The following DSCAM variants were observed in gnomAD, a reference collection of about 807,000 sequenced individuals.
DSCAM encodes DS cell adhesion molecule, also known as cell adhesion molecule DSCAM.
DSCAM carries 47 observed loss-of-function variants against 217.7 expected under a neutral mutation model. The observed-to-expected ratio is 0.22, with a 90% CI of 0.17 to 0.28. The LOEUF (loss-of-function observed/expected upper bound fraction) is 0.28. Ranked by LOEUF, DSCAM falls within the 10% of genes least tolerant of loss-of-function variation. The pLI, the probability that DSCAM is intolerant of heterozygous loss-of-function variation, is 1.00. For missense variants in DSCAM, 2,080 were observed against 2,618.3 expected (o/e 0.79, Z 4.49); for synonymous variants, 1,056 against 1,015.3 (o/e 1.04, Z -0.76).
intron 11 of DSCAM, among the ~76,000 whole-genome samples, chr21:40,245,998 C>A (rs2073219046): frequency 6.6e-6 from 1 of 152,068 alleles, no homozygotes; most frequent in Non-Finnish European, 1.5e-5. Flanking sequence ...GATTTTTGTT[C>A]TCTGTATCTG....
intron 11 of DSCAM, among the ~76,000 whole-genome samples, chr21:40,238,472 G>C (rs928747692): frequency 3.9e-5 from 6 of 152,178 alleles, no homozygotes; most frequent in Non-Finnish European, 5.9e-5. Context: ...GCCTAACAGC[G>C]AGTAGGAGAG....
chr21:40,203,447 T>C (rs766733509), intron 11 of DSCAM, among the ~76,000 whole-genome samples: 1 of 152,226 alleles, frequency 6.6e-6, no homozygotes, highest in African/African-American at 2.4e-5. Context: ...GCTTTACATC[T>C]GTTCTTTGTG....
At chr21:40,217,175 T>C (rs12483072) in intron 11 of DSCAM, among the ~76,000 whole-genome samples, 1,816 of 152,338 alleles carry the variant, frequency 0.012, 16 homozygotes, top group Middle Eastern at 0.027. Flanking sequence ...CTTATTATTG[T>C]ATTACATTTC....
chr21:40,396,872 C>T (rs2123765796), intron 3 of DSCAM, among the ~76,000 whole-genome samples: 1 of 152,132 alleles, frequency 6.6e-6, no homozygotes, highest in East Asian at 1.9e-4. Flanking sequence ...TTATCTAAGT[C>T]CTTTTCTTAG....
intron 1 of DSCAM, among the ~76,000 whole-genome samples, chr21:40,726,060 C>G (rs1460064865): frequency 2.6e-5 from 4 of 152,028 alleles, no homozygotes; most frequent in African/African-American, 7.2e-5. Flanking sequence ...AACAGAACAA[C>G]AAACATACAG....
At chr21:40,404,142 C>T (rs1378137518) in intron 3 of DSCAM, among the ~76,000 whole-genome samples, 2 of 152,156 alleles carry the variant, frequency 1.3e-5, no homozygotes, top group African/African-American at 4.8e-5. Flanking sequence ...CTTCTGTGAA[C>T]ACAAGTTCAT....
intron 3 of DSCAM, among the ~76,000 whole-genome samples, chr21:40,503,517 G>T (rs1481686978): frequency 6.6e-6 from 1 of 152,192 alleles, no homozygotes; most frequent in Non-Finnish European, 1.5e-5. Context: ...ACCAACTGTT[G>T]TAGCTAGAAT....
intron 3 of DSCAM, among the ~76,000 whole-genome samples, chr21:40,539,495 C>CA (rs912807872): frequency 2.1e-5 from 3 of 142,252 alleles, no homozygotes; most frequent in Non-Finnish European, 4.6e-5. Context: ...GACTCCATCT[C>CA]AAAAAAAAGA....
intron 20 of DSCAM, among the ~76,000 whole-genome samples, chr21:40,109,127 G>T (rs186149188): frequency 1.3e-5 from 2 of 152,224 alleles, no homozygotes; most frequent in Non-Finnish European, 2.9e-5. Context: ...AAAGCAATTC[G>T]CAACAACAAC....
intron 3 of DSCAM, among the ~76,000 whole-genome samples, chr21:40,428,252 G>A (rs1347776929): frequency 7.1e-6 from 1 of 140,608 alleles, no homozygotes; most frequent in Non-Finnish European, 1.6e-5. Flanking sequence ...GTGTGTGTGT[G>A]TGTGTGTGTG....
chr21:40,426,016 T>C (rs2075471708), intron 3 of DSCAM, among the ~76,000 whole-genome samples: 3 of 152,204 alleles, frequency 2.0e-5, no homozygotes, highest in Non-Finnish European at 4.4e-5. Flanking sequence ...AATCAAGAGC[T>C]TCTCCAAATC....
intron 3 of DSCAM, among the ~76,000 whole-genome samples, chr21:40,528,073 G>A (rs1389501197): frequency 1.3e-5 from 2 of 152,190 alleles, no homozygotes; most frequent in Non-Finnish European, 2.9e-5. Context: ...GGGTGGTTCA[G>A]TGCCCAAAAC....
intron 3 of DSCAM, among the ~76,000 whole-genome samples, chr21:40,670,573 A>T: frequency 6.6e-6 from 1 of 150,398 alleles, no homozygotes; most frequent in East Asian, 2.0e-4. Flanking sequence ...GATACCTCAT[A>T]TAAGTGGAAT....
At chr21:40,375,779 T>C (rs1377162802) in intron 3 of DSCAM, among the ~76,000 whole-genome samples, 2 of 152,216 alleles carry the variant, frequency 1.3e-5, no homozygotes, top group African/African-American at 4.8e-5. Flanking sequence ...AACAGTCTAT[T>C]ATTGCTTGTA....
At chr21:40,497,959 G>T (rs555695855) in intron 3 of DSCAM, among the ~76,000 whole-genome samples, 1 of 152,254 alleles carries the variant, frequency 6.6e-6, no homozygotes, top group African/African-American at 2.4e-5. Context: ...TGAAGTACTG[G>T]ATTTCGAGTA....
chr21:40,732,961 C>T (rs530634483), intron 1 of DSCAM, among the ~76,000 whole-genome samples: 84 of 152,292 alleles, frequency 5.5e-4, no homozygotes, highest in African/African-American at 2.0e-3. Context: ...TGATTTGAGG[C>T]AATTACAGCG....
chr21:40,107,177 T>A (rs778232667), intron 20 of DSCAM, among the ~76,000 whole-genome samples: 9 of 152,200 alleles, frequency 5.9e-5, no homozygotes, highest in African/African-American at 1.2e-4. Context: ...TGTATCTTTG[T>A]TCTTATTAGT....
intron 3 of DSCAM, among the ~76,000 whole-genome samples, chr21:40,403,181 A>G (rs187810021): frequency 1.5e-3 from 229 of 152,350 alleles, no homozygotes; most frequent in Admixed American, 4.3e-3. Flanking sequence ...GCATCACTAT[A>G]TATTTCCAGT....
rs930687950 is a variant in DSCAM, at chr21:40,165,767, A to G, written c.3018+1451T>C. On this transcript the variant is annotated intron_variant, in intron 16 of 32. Coordinates refer to ENST00000400454, the MANE Select transcript of DSCAM (RefSeq NM_001389.5). ...TCTTTTTCAGGGCAAAACACGAGAG[A>G]ATGTGTAAAGCTAGTGGGTAAAACT... Among the ~76,000 whole-genome samples, 4 of 152,324 alleles carry G rather than the reference A, an allele frequency of 2.6e-5. No homozygotes were observed. In the East Asian group the frequency reaches 7.7e-4, roughly 29 times the overall value.
Sources: gnomAD v4.1 joint callset for allele counts (sites outside exome capture counted in the v4.1 genomes callset) on GRCh38, gnomAD v4.1.1 for gene constraint, MANE v1.5 for transcripts, NCBI Gene and HGNC (gene_info 2026-07-23, HGNC 2026-07-21) for gene names.